The following C14orf39 variants were observed in gnomAD, a reference collection of about 807,000 sequenced individuals.
C14orf39 encodes the protein protein SIX6OS1.
In C14orf39, 66 loss-of-function variants were observed where a neutral mutation model predicts 85.6. The observed-to-expected ratio is 0.77, with a 90% CI of 0.63 to 0.95. The LOEUF (loss-of-function observed/expected upper bound fraction) is 0.95. Among genes scored for constraint, C14orf39 ranks in the 40% least tolerant of loss-of-function variants. The pLI is 0.00. For synonymous variants in C14orf39, 242 were observed against 214.0 expected, an observed-to-expected ratio of 1.13 and a Z score of -1.14; for missense variants, 735 against 663.9, an observed-to-expected ratio of 1.11 and a Z score of -1.18.
At chr14:60,467,363 C>T (rs1213664270) in intron 9 of C14orf39, among the ~76,000 whole-genome samples, 1 of 151,784 alleles carries the variant, frequency 6.6e-6, no homozygotes, top group Non-Finnish European at 1.5e-5. Context: ...CTACAAATAG[C>T]ATGCTTCAGA....
At chr14:60,490,493 G>A (rs1188499903), upstream of C14orf39, among the ~76,000 whole-genome samples, 1 of 150,758 alleles carries the variant, frequency 6.6e-6, no homozygotes, top group Non-Finnish European at 1.5e-5. Context: ...ATAAATAGGT[G>A]CACACCTGTA....
chr14:60,458,785 T>A (rs775295707), intron 13 of C14orf39, 46 bp from the exon 14 acceptor site: 73 of 1,483,068 alleles, frequency 4.9e-5, no homozygotes, highest in Non-Finnish European at 6.2e-5. Flanking sequence ...GTAATTTTAT[T>A]GTAAAATAAA....
At chr14:60,500,205 T>G (rs1345762718) in intron 1 of C14orf39, among the ~76,000 whole-genome samples, 1 of 151,976 alleles carries the variant, frequency 6.6e-6, no homozygotes, top group Non-Finnish European at 1.5e-5. Flanking sequence ...TTTTGTATTT[T>G]TAGTAGAGAT....
intron 1 of C14orf39, among the ~76,000 whole-genome samples, chr14:60,502,346 T>A (rs1393761680): frequency 6.6e-6 from 1 of 151,276 alleles, no homozygotes; most frequent in East Asian, 1.9e-4. Context: ...CACAGAGAAA[T>A]ACAATCATTG....
chr14:60,437,023 C>G lies in C14orf39; in HGVS notation c.1586G>C (p.Gly529Ala). ...EIGNLLEKPE[G>A]EDGFTFSFPS... ...AAAAGAAAATGTAAAGCCATCTTCTCCTTCTGGCTTCTCAAGTAAGTTTCC... is the reference window on the plus strand; with the variant it reads ...AAAAGAAAATGTAAAGCCATCTTCTGCTTCTGGCTTCTCAAGTAAGTTTCC... Residue 529 changes from glycine (G) to alanine (A), a missense_variant, in exon 18 of 18, where the codon GGA (glycine) becomes GCA (alanine). Physicochemically the swap from Gly to Ala is moderately conservative, Grantham distance 60. Coordinates refer to ENST00000321731, the MANE Select transcript of C14orf39 (RefSeq NM_174978.3). The G allele has an allele frequency of 6.2e-7, 1 of 1,606,794 alleles. No homozygotes were observed. The highest frequency in any genetic ancestry group is 8.5e-7 in the Non-Finnish European group (1 of 1,177,440).
intron 15 of C14orf39, among the ~76,000 whole-genome samples, chr14:60,456,107 G>C (rs1024117288): frequency 1.4e-4 from 21 of 152,026 alleles, no homozygotes; most frequent in African/African-American, 4.6e-4. Flanking sequence ...CGGAAGTAGA[G>C]TACAGGTCTG....
intron 11 of C14orf39, among the ~76,000 whole-genome samples, chr14:60,465,029 G>A (rs967754393): frequency 6.6e-6 from 1 of 151,938 alleles, no homozygotes; most frequent in African/African-American, 2.4e-5. Flanking sequence ...TGTTTAATAT[G>A]TATGCATAAA....
At position 60,436,952 on chromosome 14, in the gene C14orf39, A is replaced by G; in HGVS notation, c.1657T>C (p.Phe553Leu). The G allele has an allele frequency of 6.2e-7, 1 of 1,613,018 alleles. No homozygotes were observed. The highest frequency in any genetic ancestry group is 8.5e-7 in the Non-Finnish European group (1 of 1,179,292). The stretch of plus-strand genomic sequence containing the variant: ...TGTCCAAATGAAAATGGAAAACTAA[A>G]ATCATCTTTTCCAGCTCCAAATGTA... ...THTFGAGKDD[F>L]SFPFSFGQGQ... Residue 553 changes from phenylalanine (F) to leucine (L), a missense_variant, in exon 18 of 18, where the codon TTT becomes CTT. Phe to Leu is a conservative substitution (Grantham distance 22, BLOSUM62 0). Transcript: ENST00000321731.
intron 1 of C14orf39, among the ~76,000 whole-genome samples, chr14:60,500,749 T>C (rs776537328): frequency 2.3e-4 from 35 of 152,230 alleles, no homozygotes; most frequent in Admixed American, 3.9e-4. Context: ...GATATGCACC[T>C]AGCACTAATA....
At chr14:60,501,045 TAAG>T (rs993626297) in intron 1 of C14orf39, among the ~76,000 whole-genome samples, 10 of 151,812 alleles carry the variant, frequency 6.6e-5, no homozygotes, top group South Asian at 2.1e-4. Flanking sequence ...GTGTGTGTAA[TAAG>T]AATAGACTGT....
rs1056364566 is a variant in C14orf39 at position 60,484,128 on chromosome 14, C to G, written c.107-311G>C. Among the ~76,000 whole-genome samples the G allele has an allele frequency of 2.6e-5, 4 of 152,134 alleles. No homozygotes were observed. The highest frequency in any genetic ancestry group is 7.2e-5 in the African/African-American group (3 of 41,430). On this transcript the variant is annotated intron_variant, in intron 3 of 17. Transcript: ENST00000321731. The surrounding 1 kb of genome is among the most constrained non-coding windows in gnomAD (Gnocchi z 4.2). ...CTAAGGTCAATCGTATCTTAAGATG[C>G]TATGAATTCTTGCAAACATTTATTC... is the stretch of plus-strand genomic sequence containing the variant.
chr14:60,443,299 A>G (rs1450480584), intron 16 of C14orf39, among the ~76,000 whole-genome samples: 1 of 152,170 alleles, frequency 6.6e-6, no homozygotes, highest in Non-Finnish European at 1.5e-5. Flanking sequence ...TGTACCTGGA[A>G]AAACAGTACA....
chr14:60,512,558 G>A lies in C14orf39; in HGVS notation c.-144+2837C>T, dbSNP rs1278789986. ...TGTCACATACTGAGGGTAAAACAAG[G>A]CTGTAGAAATAACTGGCATTTTAAA... On this transcript the variant is annotated intron_variant, in intron 1 of 5. Transcript: ENST00000556799. The A allele has an allele frequency of 2.0e-5, 3 of 152,200 alleles. No homozygotes were observed. The East Asian group carries it at 5.8e-4, about 29-fold the overall frequency. The allele number at this position is 152,200 out of a possible 1,614,324, so 9.4% of individuals were successfully genotyped here. A position where few individuals can be genotyped will look rare whatever the true frequency, so the allele number is the denominator to read the frequency against.
intron 11 of C14orf39, among the ~76,000 whole-genome samples, chr14:60,463,588 C>G (rs570169302): frequency 1.3e-5 from 2 of 152,212 alleles, no homozygotes; most frequent in East Asian, 3.9e-4. Flanking sequence ...TGGTAACTTT[C>G]ATGGTATATG....
At chr14:60,482,138 C>T (rs1892668832) in intron 4 of C14orf39, among the ~76,000 whole-genome samples, 1 of 152,130 alleles carries the variant, frequency 6.6e-6, no homozygotes, top group Admixed American at 6.5e-5. Context: ...ATCAACAGAT[C>T]CTACTGACTC....
intron 1 of C14orf39, among the ~76,000 whole-genome samples, chr14:60,500,799 T>G (rs1263222995): frequency 6.6e-6 from 1 of 152,228 alleles, no homozygotes; most frequent in Non-Finnish European, 1.5e-5. Flanking sequence ...AAACTCATTT[T>G]TGACTCTATA....
chr14:60,451,114 G>C (rs1343041059), intron 16 of C14orf39, among the ~76,000 whole-genome samples: 1 of 152,096 alleles, frequency 6.6e-6, no homozygotes, highest in African/African-American at 2.4e-5. Context: ...AAATGAACTA[G>C]AAAAATCACC....
At chr14:60,488,021 T>C (rs1269672566), upstream of C14orf39, among the ~76,000 whole-genome samples, 8 of 152,212 alleles carry the variant, frequency 5.3e-5, no homozygotes, top group African/African-American at 1.7e-4. Flanking sequence ...TTTACTCTTA[T>C]TACATTTGTT....
chr14:60,504,698 G>T (rs1460210877), intron 1 of C14orf39, among the ~76,000 whole-genome samples: 1 of 152,196 alleles, frequency 6.6e-6, no homozygotes, highest in East Asian at 1.9e-4. Context: ...CAGTGATGTG[G>T]TTAGTGCTGT....
Sources: allele counts gnomAD v4.1 joint callset (sites outside exome capture counted in the v4.1 genomes callset), GRCh38; gene constraint gnomAD v4.1.1; non-coding constraint Gnocchi (gnomAD v3.1); transcripts MANE v1.5; gene names NCBI Gene and HGNC (gene_info 2026-07-23, HGNC 2026-07-21).